The following ZFR2 variants were observed in gnomAD, a reference collection of about 807,000 sequenced individuals.
ZFR2 encodes zinc finger RNA binding protein 2.
Under a neutral mutation model 105.7 loss-of-function variants are expected in ZFR2, and 104 were observed. The observed-to-expected ratio is 0.98, with a 90% CI of 0.84 to 1.16. The LOEUF is 1.16. Ranked by LOEUF, ZFR2 falls within the 50% of genes most tolerant of loss-of-function variation. ZFR2 has a pLI of 0.00. For synonymous variants in ZFR2, 634 were observed against 597.7 expected, an observed-to-expected ratio of 1.06 and a Z score of -0.89; for missense variants, 1,425 against 1,355.5, an observed-to-expected ratio of 1.05 and a Z score of -0.80.
intron 1 of ZFR2, among the ~76,000 whole-genome samples, chr19:3,865,060 C>T (rs866143989): frequency 6.6e-6 from 1 of 152,000 alleles, no homozygotes; most frequent in East Asian, 1.9e-4. Flanking sequence ...GCGCTCAGTG[C>T]TAATTAAAAG....
intron 12 of ZFR2, 49 bp downstream of exon 12, chr19:3,818,996 C>T (rs1254206195): frequency 6.3e-6 from 10 of 1,586,020 alleles, no homozygotes; most frequent in Non-Finnish European, 8.6e-6. Context: ...AGGAGCTGAC[C>T]TCTGTCCTGG....
intron 1 of ZFR2, among the ~76,000 whole-genome samples, chr19:3,867,141 C>T (rs952086326): frequency 1.3e-5 from 2 of 151,890 alleles, no homozygotes; most frequent in Admixed American, 6.6e-5. Context: ...AGGAACACCG[C>T]GGGGGGCAAA....
At chr19:3,860,574 A>G (rs1036340113) in intron 1 of ZFR2, among the ~76,000 whole-genome samples, 2 of 152,130 alleles carry the variant, frequency 1.3e-5, no homozygotes, top group Non-Finnish European at 2.9e-5. Context: ...CCCTGCTGAG[A>G]AGGAACATGG....
intron 5 of ZFR2, among the ~76,000 whole-genome samples, chr19:3,830,831 G>T (rs1023695497): frequency 1.3e-5 from 2 of 152,278 alleles, no homozygotes; most frequent in East Asian, 1.9e-4. Context: ...TCTCAAGCTC[G>T]TGTGTTTGGT....
Position 3,823,456 on chromosome 19 carries a change from G to T in ZFR2, c.1214-53C>A. 1 of 1,521,864 alleles carries T rather than the reference G, an allele frequency of 6.6e-7. No individual in the cohort carries two copies. The highest frequency in any genetic ancestry group is 8.8e-7 in the Non-Finnish European group (1 of 1,135,988). 94.3% of individuals were successfully genotyped at this position (1,521,864 alleles called of 1,614,324 possible). The stretch of plus-strand genomic sequence containing the variant: ...CCCTGTTCCAGGAGAAAGCACTGCA[G>T]CTGCAGACCCGCCAGGCGGCATGGG... On this transcript the variant is annotated intron_variant, in intron 7 of 18. Transcript: ENST00000262961. This position sits in a 1 kb window ranked among gnomAD's most constrained non-coding sequence, Gnocchi z 5.4.
intron 1 of ZFR2, among the ~76,000 whole-genome samples, chr19:3,854,178 G>T (rs138520413): frequency 0.017 from 2,543 of 151,380 alleles, 36 homozygotes; most frequent in Middle Eastern, 0.034. Flanking sequence ...ATCACTTGAG[G>T]TCAGGGTTCA....
At chr19:3,821,875 C>T (rs553764465) in intron 9 of ZFR2, among the ~76,000 whole-genome samples, 1 of 152,252 alleles carries the variant, frequency 6.6e-6, no homozygotes, top group South Asian at 2.1e-4. Context: ...TCCCAAAGTG[C>T]TGGGATGATA....
rs114319115 is a variant in ZFR2, at chr19:3,811,015, G to T, written c.2338-170C>A. Among the ~76,000 whole-genome samples the T allele has an allele frequency of 4.1e-3, 628 of 152,344 alleles. 5 individuals carry two copies. The highest frequency in any genetic ancestry group is 0.015 in the African/African-American group (609 of 41,582). On this transcript the variant is annotated intron_variant, in intron 15 of 18. Coordinates refer to ENST00000262961, the MANE Select transcript of ZFR2 (RefSeq NM_015174.2). The stretch of plus-strand genomic sequence containing the variant: ...CTCCCACATGAGCCCGGTGCCACCA[G>T]GCTGTTGAGTGGCCACGAGACGGCA...
intron 1 of ZFR2, among the ~76,000 whole-genome samples, chr19:3,855,101 G>A (rs148781171): frequency 1.8e-3 from 270 of 152,114 alleles, no homozygotes; most frequent in African/African-American, 6.3e-3. Context: ...TCACTATGTC[G>A]CCCAGGCTGG....
chr19:3,807,377 G>T, intron 17 of ZFR2, 108 bp from the exon 18 acceptor site: 1 of 753,004 alleles, frequency 1.3e-6, no homozygotes, highest in Non-Finnish European at 2.2e-6. Flanking sequence ...CGTGCATGGG[G>T]CTATACTTGC....
chr19:3,843,288 T>C (rs1312099520), intron 1 of ZFR2, among the ~76,000 whole-genome samples: 1 of 150,770 alleles, frequency 6.6e-6, no homozygotes, highest in Non-Finnish European at 1.5e-5. Context: ...CTGGCCAACA[T>C]GGTGAAACCC....
At chr19:3,815,710 A>C (rs748154873) in intron 13 of ZFR2, among the ~76,000 whole-genome samples, 1 of 150,500 alleles carries the variant, frequency 6.6e-6, no homozygotes, top group Non-Finnish European at 1.5e-5. Flanking sequence ...CAGCTCCCTG[A>C]GTAGCTGGGA....
At position 3,831,452 on chromosome 19, in the gene ZFR2, G is replaced by A. The variant is rs767773243; in HGVS notation, c.703C>T (p.Pro235Ser). The A allele has an allele frequency of 6.5e-7, 1 of 1,549,708 alleles. No homozygotes were observed. The highest frequency in any genetic ancestry group is 8.7e-7 in the Non-Finnish European group (1 of 1,147,560). ...PPPGPPQQLP[P>S]PPAPAGSGSS... ...CCTGAGCCTGCAGGCGCGGGCGGCG[G>A]GGGCAGCTGCTGCGGGGGTCCCGGG... Residue 235 changes from proline to serine, a missense_variant, in exon 5 of 19, where the codon CCG (proline) becomes TCG (serine). Pro to Ser is a moderately conservative substitution (Grantham distance 74, BLOSUM62 -1). Coordinates refer to ENST00000262961, the MANE Select transcript of ZFR2 (RefSeq NM_015174.2).
intron 1 of ZFR2, among the ~76,000 whole-genome samples, chr19:3,843,628 C>T (rs1016982178): frequency 1.7e-4 from 26 of 151,886 alleles, no homozygotes; most frequent in African/African-American, 6.3e-4. Flanking sequence ...GTCAGGAGAT[C>T]GAGACCATCC....
intron 1 of ZFR2, among the ~76,000 whole-genome samples, chr19:3,845,176 G>A (rs2038174271): frequency 6.6e-6 from 1 of 152,146 alleles, no homozygotes; most frequent in Non-Finnish European, 1.5e-5. Context: ...CAGTCGGATT[G>A]GATTAGGGCC....
At chr19:3,832,585 G>C (rs1022151316) in intron 3 of ZFR2, among the ~76,000 whole-genome samples, 2 of 151,812 alleles carry the variant, frequency 1.3e-5, no homozygotes, top group African/African-American at 4.8e-5. Flanking sequence ...CTCGCAAAGT[G>C]CTGGGATTAC....
intron 5 of ZFR2, among the ~76,000 whole-genome samples, chr19:3,828,590 C>A (rs1361179353): frequency 6.6e-6 from 1 of 152,172 alleles, no homozygotes; most frequent in Non-Finnish European, 1.5e-5. Context: ...GGGAAGCCAC[C>A]GTGAGTCACA....
At chr19:3,835,052 G>A in intron 1 of ZFR2, 69 bp from the exon 2 acceptor site, 2 of 1,510,930 alleles carry the variant, frequency 1.3e-6, no homozygotes, top group South Asian at 2.4e-5. Context: ...TGAGTTGACG[G>A]TGTCAATTCC....
chr19:3,821,324 A>G lies in ZFR2; in HGVS notation c.1631+16T>C, dbSNP rs1219952290. Reference sequence around the variant, plus strand: ...TCCCTCACCAGGCCCCCTTGCCAAGACCCGCAGCCGGGCACCTCCTCTCCG... The same window carrying G: ...TCCCTCACCAGGCCCCCTTGCCAAGGCCCGCAGCCGGGCACCTCCTCTCCG... On this transcript the variant is annotated intron_variant, in intron 10 of 18. Transcript: ENST00000262961. 1 of 1,565,640 alleles carries G rather than the reference A, an allele frequency of 6.4e-7. No individual in the cohort carries two copies. The highest frequency in any genetic ancestry group is 1.2e-5 in the South Asian group (1 of 85,620).
Sources: allele counts gnomAD v4.1 joint callset (sites outside exome capture counted in the v4.1 genomes callset), GRCh38; gene constraint gnomAD v4.1.1; non-coding constraint Gnocchi (gnomAD v3.1); transcripts MANE v1.5; gene names NCBI Gene and HGNC (gene_info 2026-07-23, HGNC 2026-07-21).